Variants in RUNX1 observed in about 807,000 individuals in gnomAD.
RUNX1 encodes the protein runt-related transcription factor 1.
A neutral mutation model predicts 42.8 loss-of-function variants in RUNX1; 19 were observed. The observed-to-expected ratio is 0.44, with a 90% confidence interval of 0.31 to 0.65. RUNX1 has a LOEUF of 0.65. Among genes scored for constraint, RUNX1 ranks in the 30% least tolerant of loss-of-function variants. The probability of loss-of-function intolerance (pLI) is 0.07; values close to 1 mark genes in which losing one functional copy is unlikely to be tolerated. For missense variants in RUNX1, 528 were observed against 672.0 expected, an observed-to-expected ratio of 0.79 and a Z score of 2.37; for synonymous variants, 271 against 289.4, an observed-to-expected ratio of 0.94 and a Z score of 0.64.
chr21:34,868,252 G>C (rs1341398681), intron 5 of RUNX1, among the ~76,000 whole-genome samples: 4 of 152,118 alleles, frequency 2.6e-5, no homozygotes, highest in Non-Finnish European at 5.9e-5. Context: ...GCCTGGCGCT[G>C]CTTGAAAGGA....
chr21:34,863,390 T>C (rs185639070), intron 5 of RUNX1, among the ~76,000 whole-genome samples: 30 of 152,332 alleles, frequency 2.0e-4, no homozygotes, highest in African/African-American at 6.5e-4. Flanking sequence ...CAAAAGCATT[T>C]TCTTACTGAG....
intron 7 of RUNX1, among the ~76,000 whole-genome samples, chr21:34,818,290 A>G (rs893295892): frequency 6.6e-6 from 1 of 152,252 alleles, no homozygotes; most frequent in Non-Finnish European, 1.5e-5. Flanking sequence ...ATTATCCTTC[A>G]TAAGAGGGCA....
At chr21:34,827,150 T>C (rs551713829) in intron 7 of RUNX1, among the ~76,000 whole-genome samples, 11 of 152,226 alleles carry the variant, frequency 7.2e-5, no homozygotes, top group Non-Finnish European at 1.6e-4. Flanking sequence ...GTAAAGGCCA[T>C]ATTTATAAAA....
At chr21:34,967,381 C>T (rs150283648) in intron 2 of RUNX1, among the ~76,000 whole-genome samples, 49 of 129,642 alleles carry the variant, frequency 3.8e-4, no homozygotes, top group African/African-American at 1.2e-3. Flanking sequence ...ATTGAGCTTT[C>T]GTCTGGACTG....
At chr21:35,026,433 G>A (rs1281643233) in intron 2 of RUNX1, among the ~76,000 whole-genome samples, 1 of 152,206 alleles carries the variant, frequency 6.6e-6, no homozygotes, top group Admixed American at 6.5e-5. Flanking sequence ...AAGAAGAAAA[G>A]CAATCTGGAT....
intron 2 of RUNX1, among the ~76,000 whole-genome samples, chr21:34,937,301 T>C (rs2058493072): frequency 1.6e-5 from 2 of 126,620 alleles, no homozygotes; most frequent in Admixed American, 9.9e-5. Flanking sequence ...CATGCCATTG[T>C]AACATTGTGG....
chr21:34,826,680 A>G (rs1164245231), intron 7 of RUNX1, among the ~76,000 whole-genome samples: 2 of 151,928 alleles, frequency 1.3e-5, no homozygotes, highest in Non-Finnish European at 2.9e-5. Flanking sequence ...CCCGACCTCA[A>G]GTGATCTGCC....
intron 2 of RUNX1, among the ~76,000 whole-genome samples, chr21:35,013,738 C>T (rs2059141360): frequency 6.6e-6 from 1 of 152,078 alleles, no homozygotes; most frequent in Non-Finnish European, 1.5e-5. Flanking sequence ...AGGAACTTAT[C>T]CTAAGGCAGT....
intron 2 of RUNX1, among the ~76,000 whole-genome samples, chr21:34,969,923 T>C (rs1336882668): frequency 3.3e-5 from 5 of 152,244 alleles, no homozygotes; most frequent in Non-Finnish European, 5.9e-5. Flanking sequence ...CAGAACATTT[T>C]ACAAGGTATG....
intron 2 of RUNX1, among the ~76,000 whole-genome samples, chr21:34,929,923 T>C (rs1320014163): frequency 6.6e-6 from 1 of 151,984 alleles, no homozygotes; most frequent in Non-Finnish European, 1.5e-5. Context: ...AGTATTTAAG[T>C]ATTCATATAT....
intron 6 of RUNX1, among the ~76,000 whole-genome samples, chr21:34,841,050 C>T (rs1192263170): frequency 3.3e-5 from 5 of 152,282 alleles, no homozygotes; most frequent in East Asian, 1.9e-4. Flanking sequence ...AGCCACTCTG[C>T]GGAACACTCA....
At chr21:34,821,618 A>G (rs1291065632) in intron 7 of RUNX1, 2 of 1,555,274 alleles carry the variant, frequency 1.3e-6, no homozygotes, top group Admixed American at 3.9e-5. Flanking sequence ...TGGAAAAGAT[A>G]GCTCTATCCT....
chr21:35,002,459 G>A lies in RUNX1; in HGVS notation c.58+46383C>T, dbSNP rs181280001. Reference sequence around the variant, plus strand: ...TTTATTTATTTAGAGATGGTATCTCGCTCTGTCACCCAGGCTGGAGTGCAT... The same window carrying A: ...TTTATTTATTTAGAGATGGTATCTCACTCTGTCACCCAGGCTGGAGTGCAT... On this transcript the variant is annotated intron_variant, in intron 2 of 8. Transcript: ENST00000675419. 9.9e-3 allele frequency among the ~76,000 whole-genome samples: 1,473 copies of A among 149,194 alleles called. 8 individuals are homozygous for A. Among genetic ancestry groups the A allele is most frequent in the Middle Eastern group, 0.048 (14 of 290 alleles).
At chr21:34,876,408 C>T (rs187732971) in intron 5 of RUNX1, among the ~76,000 whole-genome samples, 2 of 152,296 alleles carry the variant, frequency 1.3e-5, no homozygotes, top group East Asian at 1.9e-4. Flanking sequence ...CTACTATATG[C>T]GGCATAGGGC....
chr21:34,792,298 C>T lies in RUNX1; in HGVS notation c.1280G>A (p.Arg427His), dbSNP rs1060502577. 2 of 1,539,060 alleles carry T rather than the reference C, an allele frequency of 1.3e-6. No homozygotes were observed. The highest frequency in any genetic ancestry group is 2.5e-5 in the East Asian group (1 of 40,650). Residue 427 changes from arginine (R) to histidine (H), a missense_variant, in exon 9 of 9, where the codon CGC (arginine) becomes CAC (histidine). Coordinates refer to ENST00000675419, the MANE Select transcript of RUNX1 (RefSeq NM_001754.5). The surrounding 1 kb of genome is among the most constrained non-coding windows in gnomAD (Gnocchi z 6.9). ...SMVGGERSPP[R>H]ILPPCTNAST... is the part of the protein sequence containing the mutation. ...GGCGTTGGTGCAGGGCGGCAGGATG[C>T]GCGGCGGCGAGCGCTCGCCGCCCAC...
In RUNX1 at chr21:34,791,872, G is replaced by A. The variant is rs527589424; in HGVS notation, c.*263C>T. ...GCGCGTCCCCTGGGTGCTGGGGCCG[G>A]CGGACACCCTCGAGGTGCGTCGCCT... On this transcript the variant is annotated 3_prime_UTR_variant, in exon 9 of 9. Transcript: ENST00000675419. 23 of 260,160 alleles carry A rather than the reference G, an allele frequency of 8.8e-5. No homozygotes were observed. The highest frequency in any genetic ancestry group is 1.5e-4 in the African/African-American group (7 of 45,270). 16.1% of individuals were successfully genotyped at this position (260,160 alleles called of 1,614,324 possible).
At chr21:34,983,018 G>A (rs1031295382) in intron 2 of RUNX1, among the ~76,000 whole-genome samples, 4 of 152,194 alleles carry the variant, frequency 2.6e-5, no homozygotes, top group African/African-American at 9.7e-5. Flanking sequence ...GAATCTTTAG[G>A]AACATTCCAG....
At chr21:34,866,177 G>A (rs1396540839) in intron 5 of RUNX1, among the ~76,000 whole-genome samples, 1 of 152,196 alleles carries the variant, frequency 6.6e-6, no homozygotes, top group Non-Finnish European at 1.5e-5. Flanking sequence ...AGACACAAAG[G>A]AGCCGTCTGC....
chr21:35,014,723 G>A (rs886358821), intron 2 of RUNX1, among the ~76,000 whole-genome samples: 5 of 152,226 alleles, frequency 3.3e-5, no homozygotes, highest in African/African-American at 7.2e-5. Context: ...CTGCCAGGGC[G>A]TCCTCAGAGC....
Sources: gnomAD v4.1 joint callset for allele counts (sites outside exome capture counted in the v4.1 genomes callset) on GRCh38, gnomAD v4.1.1 for gene constraint, Gnocchi (gnomAD v3.1) non-coding constraint, MANE v1.5 for transcripts, NCBI Gene and HGNC (gene_info 2026-07-23, HGNC 2026-07-21) for gene names.